DAPP1: variants seen among roughly 807,000 people sequenced by gnomAD.
The protein encoded by DAPP1 is dual adaptor of phosphotyrosine and 3-phosphoinositides 1.
A neutral mutation model predicts 41.5 loss-of-function variants in DAPP1; 20 were observed. That is an observed-to-expected ratio of 0.48 (90% CI 0.34 to 0.70). The LOEUF (loss-of-function observed/expected upper bound fraction) is 0.70. Ranked by LOEUF, DAPP1 falls within the 30% of genes least tolerant of loss-of-function variation. DAPP1 has a pLI of 0.01. For synonymous variants in DAPP1, 113 were observed against 116.2 expected (o/e 0.97, Z 0.18); for missense variants, 233 against 333.4 (o/e 0.70, Z 2.35).
At chr4:99,862,753 TATAG>T (rs2110166971) in intron 5 of DAPP1, among the ~76,000 whole-genome samples, 1 of 122,350 alleles carries the variant, frequency 8.2e-6, no homozygotes, top group East Asian at 2.4e-4. Flanking sequence ...AATTAATTTT[TATAG>T]ATATTTTGAA....
Position 99,868,097 on chromosome 4 carries a change from G to A in DAPP1, c.775-20G>A, listed in dbSNP as rs777594176. 2.5e-5 allele frequency: 40 copies of A among 1,601,984 alleles called. No homozygotes were observed. The highest frequency in any genetic ancestry group is 3.3e-5 in the South Asian group (3 of 90,812). ...TACAATCACTCAATAATGGATACAC[G>A]TGTGTGTACTTTATTACAGTCACAA... On this transcript the variant is annotated intron_variant, in intron 8 of 8. Transcript: ENST00000512369.
At chr4:99,841,293 G>A (rs1043251839) in intron 3 of DAPP1, among the ~76,000 whole-genome samples, 2 of 152,108 alleles carry the variant, frequency 1.3e-5, no homozygotes, top group African/African-American at 4.8e-5. Context: ...TGGCATCATT[G>A]GCTTCTGTCT....
Position 99,869,212 on chromosome 4 carries a change from T to C in DAPP1, c.*1027T>C, listed in dbSNP as rs1477309496. The C allele has an allele frequency of 6.6e-6, 1 of 152,012 alleles. No individual in the cohort carries two copies. Among genetic ancestry groups the C allele is most frequent in the Non-Finnish European group, 1.5e-5 (1 of 68,000 alleles). 9.4% of individuals were successfully genotyped at this position (152,012 alleles called of 1,614,324 possible). On this transcript the variant is annotated 3_prime_UTR_variant, in exon 9 of 9. Coordinates refer to ENST00000512369, the MANE Select transcript of DAPP1 (RefSeq NM_014395.3). The stretch of plus-strand genomic sequence containing the variant: ...CAACTTCTATTTCCAGTCGGGGGAG[T>C]AACACTAAAGCTACAAGAAATATGT...
chr4:99,824,439 T>C (rs1458449763), intron 1 of DAPP1, among the ~76,000 whole-genome samples: 1 of 152,218 alleles, frequency 6.6e-6, no homozygotes, highest in Non-Finnish European at 1.5e-5. Flanking sequence ...CCAGTGGTTT[T>C]TACTGGTGGA....
intron 1 of DAPP1, among the ~76,000 whole-genome samples, chr4:99,824,407 GACTC>G (rs1722870999): frequency 6.6e-6 from 1 of 152,200 alleles, no homozygotes; most frequent in Admixed American, 6.5e-5. Context: ...ATCACTTTCA[GACTC>G]ACTCAGTCCC....
chr4:99,816,863 G>A lies in DAPP1; in HGVS notation c.-51G>A. 2.0e-6 allele frequency: 3 copies of A among 1,502,918 alleles called. No individual in the cohort carries two copies. Among genetic ancestry groups the A allele is most frequent in the Non-Finnish European group, 2.7e-6 (3 of 1,103,150 alleles). The allele number at this position is 1,502,918 out of a possible 1,614,324, so 93.1% of individuals were successfully genotyped here. On this transcript the variant is annotated 5_prime_UTR_variant, in exon 1 of 9. Coordinates refer to ENST00000512369, the MANE Select transcript of DAPP1 (RefSeq NM_014395.3). ...CTGCTGTCTCACAGAGCGAGAAGGTGTCAGGAGCAGCCCAGTTGTGTCTCT... is the reference window on the plus strand; with the variant it reads ...CTGCTGTCTCACAGAGCGAGAAGGTATCAGGAGCAGCCCAGTTGTGTCTCT...
intron 5 of DAPP1, among the ~76,000 whole-genome samples, chr4:99,861,963 A>C (rs1260752773): frequency 6.6e-6 from 1 of 152,226 alleles, no homozygotes; most frequent in East Asian, 1.9e-4. Context: ...AGAAGTCAAA[A>C]TTGTATAAAA....
chr4:99,866,541 G>A, intron 8 of DAPP1: 1 of 765,684 alleles, frequency 1.3e-6, no homozygotes, highest in South Asian at 1.3e-5. Context: ...TCCAATGTAA[G>A]CATCACTTTG....
At chr4:99,837,733 C>T (rs1245203475) in intron 2 of DAPP1, among the ~76,000 whole-genome samples, 1 of 152,146 alleles carries the variant, frequency 6.6e-6, no homozygotes, top group Admixed American at 6.5e-5. Flanking sequence ...AAGTGCATTA[C>T]ATTTATTGTG....
chr4:99,838,922 A>G (rs1236510077), intron 2 of DAPP1, among the ~76,000 whole-genome samples: 3 of 152,262 alleles, frequency 2.0e-5, no homozygotes, highest in African/African-American at 7.2e-5. Flanking sequence ...TGGAATTATC[A>G]TGTAATACTT....
chr4:99,851,729 T>C (rs141039269), intron 3 of DAPP1, among the ~76,000 whole-genome samples: 1 of 151,654 alleles, frequency 6.6e-6, no homozygotes, highest in South Asian at 2.1e-4. Context: ...TTTTATTTTG[T>C]ATTTTAGTAG....
At position 99,828,600 on chromosome 4, in the gene DAPP1, A is replaced by T. The variant is rs1322387101; in HGVS notation, c.102-7023A>T. Among the ~76,000 whole-genome samples the T allele has an allele frequency of 2.0e-5, 3 of 152,318 alleles. No homozygotes were observed. In the East Asian group the frequency reaches 5.8e-4, roughly 29 times the overall value. On this transcript the variant is annotated intron_variant, in intron 1 of 8. Transcript: ENST00000512369. ...TTTTCCAGAAGATTCTAGCTCAAAG[A>T]GGCCCCAGAATGAAAGGAAAGGAAG...
At chr4:99,870,930 T>C (rs1040464667), downstream of DAPP1, among the ~76,000 whole-genome samples, 8 of 152,168 alleles carry the variant, frequency 5.3e-5, no homozygotes, top group Non-Finnish European at 1.2e-4. Context: ...ATGCATTTTC[T>C]CCTTATGATA....
chr4:99,867,441 G>T (rs1022537885), intron 8 of DAPP1, among the ~76,000 whole-genome samples: 9 of 152,252 alleles, frequency 5.9e-5, no homozygotes, highest in Non-Finnish European at 1.3e-4. Flanking sequence ...CCACAATGAT[G>T]TACCACTACA....
At chr4:99,833,692 A>G (rs1486608459) in intron 1 of DAPP1, among the ~76,000 whole-genome samples, 1 of 152,224 alleles carries the variant, frequency 6.6e-6, no homozygotes, top group Non-Finnish European at 1.5e-5. Flanking sequence ...TCACTGACCT[A>G]AACTGTGGTC....
At position 99,869,287 on chromosome 4, in the gene DAPP1, G is replaced by A. The variant is rs1327015055; in HGVS notation, c.*1102G>A. ...CCAAAGCTTTTTCAAACTAGAATAAGGAGGCAAATAGAAGAATGAGATACT... is the reference window on the plus strand; with the variant it reads ...CCAAAGCTTTTTCAAACTAGAATAAAGAGGCAAATAGAAGAATGAGATACT... On this transcript the variant is annotated 3_prime_UTR_variant, in exon 9 of 9. Coordinates refer to ENST00000512369, the MANE Select transcript of DAPP1 (RefSeq NM_014395.3). 6.6e-6 allele frequency: 1 copy of A among 152,166 alleles called. No individual in the cohort carries two copies. The highest frequency in any genetic ancestry group is 1.5e-5 in the Non-Finnish European group (1 of 68,034). The allele number at this position is 152,166 out of a possible 1,614,324, so 9.4% of individuals were successfully genotyped here.
chr4:99,861,689 A>G, intron 5 of DAPP1, 64 bp downstream of exon 5: 3 of 1,503,958 alleles, frequency 2.0e-6, no homozygotes, highest in Admixed American at 2.0e-5. Context: ...TGTAGACTCA[A>G]TTCTCATCTT....
intron 3 of DAPP1, among the ~76,000 whole-genome samples, chr4:99,847,108 C>T (rs1427359084): frequency 2.0e-5 from 3 of 152,192 alleles, no homozygotes. Context: ...TGAAATGGCC[C>T]TGTGAGCCAC....
At chr4:99,844,338 A>G (rs897385283) in intron 3 of DAPP1, 5 of 152,198 alleles carry the variant, frequency 3.3e-5, no homozygotes, top group Non-Finnish European at 5.9e-5. Flanking sequence ...TTCTGTCTCA[A>G]TAGTAGGATA....
Sources: gnomAD v4.1 joint callset for allele counts (sites outside exome capture counted in the v4.1 genomes callset) on GRCh38, gnomAD v4.1.1 for gene constraint, MANE v1.5 for transcripts, NCBI Gene and HGNC (gene_info 2026-07-23, HGNC 2026-07-21) for gene names.